PI15: variants seen among roughly 807,000 people sequenced by gnomAD.
PI15 encodes 25 kDa trypsin inhibitor.
Under a neutral mutation model 31.0 loss-of-function variants are expected in PI15, and 18 were observed. The ratio of observed to expected loss-of-function variants is 0.58; its 90% CI spans 0.40 to 0.86. PI15 has a LOEUF of 0.86. Among genes scored for constraint, PI15 ranks in the 40% least tolerant of loss-of-function variants. The pLI is 0.00. For synonymous variants in PI15, 118 were observed against 119.1 expected, an observed-to-expected ratio of 0.99 and a Z score of 0.06; for missense variants, 282 against 328.1, an observed-to-expected ratio of 0.86 and a Z score of 1.09.
chr8:74,838,123 GATA>G lies in PI15; in HGVS notation c.274-5851_274-5849del, dbSNP rs148382226. On this transcript the variant is annotated intron_variant, in intron 2 of 5. Coordinates refer to ENST00000260113, the MANE Select transcript of PI15 (RefSeq NM_015886.5). ...TGTTTAGTATTTCAATTGATTTATT[GATA>G]ATAATACTTTCCATATAGTTAAATA... is the stretch of plus-strand genomic sequence containing the variant. Among the ~76,000 whole-genome samples the G allele has an allele frequency of 5.9e-3, 891 of 151,436 alleles. 6 individuals are homozygous for G. Among genetic ancestry groups the G allele is most frequent in the African/African-American group, 0.02 (846 of 41,322 alleles).
rs36083765 is a variant in PI15, at chr8:74,825,535, C to CTT, written c.273+26_273+27dup. Reference sequence around the variant, plus strand: ...TATGGAATATATGGTAAGAAGAATTCTTTTTTTTTTTTTTAAGTTCTGAGT... The same window carrying CTT: ...TATGGAATATATGGTAAGAAGAATTCTTTTTTTTTTTTTTTTAAGTTCTGAGT... On this transcript the variant is annotated intron_variant, in intron 2 of 5. Transcript: ENST00000260113. 7.3e-3 allele frequency: 10,321 copies of CTT among 1,412,630 alleles called. 1 individual carries two copies. Among genetic ancestry groups the CTT allele is most frequent in the Non-Finnish European group, 8.4e-3 (8,745 of 1,035,730 alleles). 87.5% of individuals were successfully genotyped at this position (1,412,630 alleles called of 1,614,324 possible).
chr8:74,853,479 T>C lies in PI15; in HGVS notation c.*4226T>C, dbSNP rs1222006591. On this transcript the variant is annotated 3_prime_UTR_variant, in exon 6 of 6. Transcript: ENST00000260113. ...GTTACAGAGTGTAAATATATTTCTT[T>C]GGGAGTTATTTTCTTTTTAAAATCT... 1 of 152,552 alleles carries C rather than the reference T, an allele frequency of 6.6e-6. No homozygotes were observed. The highest frequency in any genetic ancestry group is 1.9e-4 in the East Asian group (1 of 5,198). 9.4% of individuals were successfully genotyped at this position (152,552 alleles called of 1,614,324 possible). A position where few individuals can be genotyped will look rare whatever the true frequency, so the allele number is the denominator to read the frequency against.
chr8:74,829,532 G>T (rs764118261), intron 2 of PI15, among the ~76,000 whole-genome samples: 19 of 152,056 alleles, frequency 1.2e-4, no homozygotes, highest in Non-Finnish European at 2.4e-4. Flanking sequence ...AAATTTGTAG[G>T]ATGTTCTCTG....
chr8:74,835,890 A>C lies in PI15; in HGVS notation c.274-8091A>C, dbSNP rs1056309331. On this transcript the variant is annotated intron_variant, in intron 2 of 5. Coordinates refer to ENST00000260113, the MANE Select transcript of PI15 (RefSeq NM_015886.5). ...CTATTTTTCTTTCATGTATTCCTTCATTAATTTATCTATTAAGGCTGTATT... is the reference window on the plus strand; with the variant it reads ...CTATTTTTCTTTCATGTATTCCTTCCTTAATTTATCTATTAAGGCTGTATT... Among the ~76,000 whole-genome samples the C allele has an allele frequency of 2.0e-5, 3 of 152,188 alleles. No homozygotes were observed. The South Asian group carries it at 6.2e-4, about 31-fold the overall frequency.
intron 5 of PI15, 114 bp from the exon 6 acceptor site, chr8:74,849,004 C>A: frequency 1.2e-6 from 1 of 830,026 alleles, no homozygotes; most frequent in Non-Finnish European, 1.9e-6. Context: ...TCTAAAGCAA[C>A]TTCTCAAACG....
chr8:74,835,879 T>C (rs1337134687), intron 2 of PI15, among the ~76,000 whole-genome samples: 1 of 152,244 alleles, frequency 6.6e-6, no homozygotes. Context: ...TTTTCTTTCA[T>C]GTATTCCTTC....
At chr8:74,827,640 A>T (rs1226807133) in intron 2 of PI15, among the ~76,000 whole-genome samples, 1 of 152,180 alleles carries the variant, frequency 6.6e-6, no homozygotes, top group Non-Finnish European at 1.5e-5. Flanking sequence ...GTGTAATTTC[A>T]AAGCCCATGC....
chr8:74,849,282 G>T lies in PI15; in HGVS notation c.*29G>T. ...TACCTTTTCCTCCAGGAAATATAAT[G>T]ATTTCTGGGAACATGGGCATGTATA... On this transcript the variant is annotated 3_prime_UTR_variant, in exon 6 of 6. Coordinates refer to ENST00000260113, the MANE Select transcript of PI15 (RefSeq NM_015886.5). 1.3e-6 allele frequency: 2 copies of T among 1,580,298 alleles called. No individual in the cohort carries two copies. The highest frequency in any genetic ancestry group is 1.1e-5 in the South Asian group (1 of 89,044).
At position 74,850,448 on chromosome 8, in the gene PI15, ACAAAGGATTC is replaced by A. The variant is rs1811090036; in HGVS notation, c.*1200_*1209del. ...ACATCTTGAGGCCTCTCAGCAGGAG[ACAAAGGATTC>A]CAAAAAGAGATGTGGAGGTGCTGAG... is the stretch of plus-strand genomic sequence containing the variant. On this transcript the variant is annotated 3_prime_UTR_variant, in exon 6 of 6. Transcript: ENST00000260113. 6.6e-6 allele frequency: 1 copy of A among 152,188 alleles called. No individual in the cohort carries two copies. Among genetic ancestry groups the A allele is most frequent in the South Asian group, 2.1e-4 (1 of 4,834 alleles). The allele number at this position is 152,188 out of a possible 1,614,324, so 9.4% of individuals were successfully genotyped here.
chr8:74,836,159 T>G (rs1208828509), intron 2 of PI15, among the ~76,000 whole-genome samples: 2 of 152,208 alleles, frequency 1.3e-5, no homozygotes, highest in African/African-American at 4.8e-5. Flanking sequence ...AAGGGCCTGA[T>G]AGTAAATATG....
intron 2 of PI15, among the ~76,000 whole-genome samples, chr8:74,826,946 G>A (rs551336227): frequency 2.2e-4 from 33 of 152,090 alleles, no homozygotes; most frequent in Non-Finnish European, 3.8e-4. Context: ...TACCCATACA[G>A]AAGAGATGTT....
At position 74,830,206 on chromosome 8, in the gene PI15, T is replaced by C. The variant is rs570844013; in HGVS notation, c.273+4684T>C. ...AGTGTCATGGGTGAGATGGCAGCCT[T>C]CACAGATGGTATGGAGTGGTGGAAA... On this transcript the variant is annotated intron_variant, in intron 2 of 5. Coordinates refer to ENST00000260113, the MANE Select transcript of PI15 (RefSeq NM_015886.5). Among the ~76,000 whole-genome samples, 4 of 152,016 alleles carry C rather than the reference T, an allele frequency of 2.6e-5. No individual in the cohort carries two copies. In the South Asian group the frequency reaches 8.3e-4, roughly 32 times the overall value.
chr8:74,842,706 C>A (rs192900435), intron 2 of PI15, among the ~76,000 whole-genome samples: 60 of 152,216 alleles, frequency 3.9e-4, no homozygotes, highest in African/African-American at 1.4e-3. Flanking sequence ...GTATGTCAAT[C>A]CATATGCTAA....
Position 74,843,995 on chromosome 8 carries a change from T to A in PI15, c.288T>A (p.Asn96Lys), listed in dbSNP as rs1285335762. 1.3e-6 allele frequency: 2 copies of A among 1,584,548 alleles called. No individual in the cohort carries two copies. The highest frequency in any genetic ancestry group is 4.5e-5 in the East Asian group (2 of 44,728). The change falls in exon 3 of 6, where the codon AAT (asparagine) becomes AAA (lysine). Residue 96 changes from asparagine to lysine, a missense_variant. Coordinates refer to ENST00000260113, the MANE Select transcript of PI15 (RefSeq NM_015886.5). ...TTCCCCTACAGGTTTGGGATGAAAA[T>A]CTTGCAAAATCGGCAGAGGCTTGGG... is the stretch of plus-strand genomic sequence containing the variant. The part of the protein sequence containing the change: ...ANMEYMVWDE[N>K]LAKSAEAWAA...
intron 2 of PI15, among the ~76,000 whole-genome samples, chr8:74,837,470 A>G (rs1810888155): frequency 6.6e-6 from 1 of 152,168 alleles, no homozygotes; most frequent in African/African-American, 2.4e-5. Context: ...CCATTTCACA[A>G]GCATTTCTAT....
intron 2 of PI15, among the ~76,000 whole-genome samples, chr8:74,834,648 T>C (rs1047400875): frequency 6.6e-6 from 1 of 152,206 alleles, no homozygotes; most frequent in Non-Finnish European, 1.5e-5. Flanking sequence ...TGCCTTTTAC[T>C]CCACATATGC....
At chr8:74,843,635 G>A (rs559331188) in intron 2 of PI15, among the ~76,000 whole-genome samples, 17 of 152,120 alleles carry the variant, frequency 1.1e-4, no homozygotes, top group Non-Finnish European at 2.5e-4. Flanking sequence ...AGGCGGAGGC[G>A]GGTGAATCGC....
At position 74,828,349 on chromosome 8, in the gene PI15, G is replaced by C. The variant is rs145194548; in HGVS notation, c.273+2827G>C. ...GGGAGAATATCCATCAGTTCAGTTA[G>C]AAAAATGTGCTCAATTGAGTGAAAT... On this transcript the variant is annotated intron_variant, in intron 2 of 5. Coordinates refer to ENST00000260113, the MANE Select transcript of PI15 (RefSeq NM_015886.5). Among the ~76,000 whole-genome samples, 656 of 152,174 alleles carry C rather than the reference G, an allele frequency of 4.3e-3. 11 individuals carry two copies. Among genetic ancestry groups the C allele is most frequent in the African/African-American group, 8.7e-3 (362 of 41,536 alleles).
chr8:74,844,992 G>T (rs1811003329), intron 3 of PI15, 136 bp from the exon 4 acceptor site: 1 of 722,426 alleles, frequency 1.4e-6, no homozygotes, highest in Non-Finnish European at 2.4e-6. Flanking sequence ...GGTGGTGATG[G>T]TGATTGTGAG....
Sources: allele counts gnomAD v4.1 joint callset (sites outside exome capture counted in the v4.1 genomes callset), GRCh38; gene constraint gnomAD v4.1.1; transcripts MANE v1.5; gene names NCBI Gene and HGNC (gene_info 2026-07-23, HGNC 2026-07-21).